The following DNAH12 variants were observed in gnomAD, a reference collection of about 807,000 sequenced individuals.
DNAH12 encodes axonemal beta dynein heavy chain 12.
In DNAH12, 285 loss-of-function variants were observed where a neutral mutation model predicts 371.5. The observed-to-expected ratio is 0.77, with a 90% CI of 0.70 to 0.85. DNAH12 has a LOEUF of 0.85. Ranked by LOEUF, DNAH12 falls within the 40% of genes least tolerant of loss-of-function variation. DNAH12 has a pLI of 0.00. For synonymous variants in DNAH12, 1,200 were observed against 1,213.0 expected (o/e 0.99, Z 0.22); for missense variants, 3,611 against 3,689.4 (o/e 0.98, Z 0.55).
At chr3:57,314,384 A>T in intron 66 of DNAH12, 110 bp downstream of exon 66, 1 of 1,300,874 alleles carries the variant, frequency 7.7e-7, no homozygotes, top group Non-Finnish European at 1.1e-6. Context: ...ATTACCATCT[A>T]CCCACCTGTT....
intron 66 of DNAH12, among the ~76,000 whole-genome samples, chr3:57,312,784 A>G (rs142194774): frequency 2.0e-4 from 31 of 152,356 alleles, no homozygotes; most frequent in African/African-American, 6.7e-4. Flanking sequence ...TGCAGTTACA[A>G]TTCCATAGGC....
intron 11 of DNAH12, among the ~76,000 whole-genome samples, chr3:57,491,773 C>CA (rs57203853): frequency 0.19 from 28,019 of 150,392 alleles, 3,058 homozygotes; most frequent in African/African-American, 0.31. Flanking sequence ...CCCATCTCTA[C>CA]AAAAAAAAAT....
intron 25 of DNAH12, among the ~76,000 whole-genome samples, chr3:57,452,191 A>G (rs2065778465): frequency 6.6e-6 from 1 of 152,330 alleles, no homozygotes; most frequent in Admixed American, 6.5e-5. Flanking sequence ...TTTTGGTGCC[A>G]TGTGACTTGG....
chr3:57,454,699 A>C, intron 23 of DNAH12, 76 bp downstream of exon 23: 1 of 1,515,418 alleles, frequency 6.6e-7, no homozygotes, highest in Non-Finnish European at 8.9e-7. Context: ...GCAAGATCTC[A>C]TTTCTAAAAA....
At chr3:57,396,192 C>T (rs1459964130) in intron 43 of DNAH12, among the ~76,000 whole-genome samples, 6,104 of 145,046 alleles carry the variant, frequency 0.042, 175 homozygotes, top group Middle Eastern at 0.096. Flanking sequence ...GCAGGAGAAT[C>T]GCTTGAACCT....
intron 11 of DNAH12, among the ~76,000 whole-genome samples, chr3:57,493,189 A>G (rs1387240355): frequency 6.6e-6 from 1 of 152,220 alleles, no homozygotes; most frequent in African/African-American, 2.4e-5. Flanking sequence ...GGTAAAATAC[A>G]AATTAAAGAG....
chr3:57,438,918 C>CGAAAAAAAAAAAAAAA (rs562343761), intron 29 of DNAH12, among the ~76,000 whole-genome samples: 11,808 of 93,106 alleles, frequency 0.13, 2,474 homozygotes, highest in East Asian at 0.22. Flanking sequence ...CTGTCTCAGA[C>CGAAAAAAAAAAAAAAA]AAAAAAAAAA....
At chr3:57,448,527 G>A (rs1159112387) in intron 25 of DNAH12, among the ~76,000 whole-genome samples, 5 of 122,794 alleles carry the variant, frequency 4.1e-5, no homozygotes, top group East Asian at 2.3e-4. Context: ...GAGTGTGACA[G>A]CTCAGTGGAC....
At chr3:57,427,221 C>T (rs142024716) in intron 34 of DNAH12, among the ~76,000 whole-genome samples, 55 of 147,966 alleles carry the variant, frequency 3.7e-4, no homozygotes, top group African/African-American at 1.3e-3. Flanking sequence ...AAGATATTTC[C>T]ATGTTCTAAC....
In DNAH12 at chr3:57,542,671, GCAAGAATTAT is replaced by G. The variant is rs1393647039; in HGVS notation, c.170+20_170+29del. 1 of 1,531,952 alleles carries G rather than the reference GCAAGAATTAT, an allele frequency of 6.5e-7. No individual in the cohort carries two copies. The highest frequency in any genetic ancestry group is 8.8e-7 in the Non-Finnish European group (1 of 1,142,692). The allele number at this position is 1,531,952 out of a possible 1,614,324, so 94.9% of individuals were successfully genotyped here. On this transcript the variant is annotated intron_variant, in intron 2 of 73. Transcript: ENST00000495027. Reference sequence around the variant, plus strand: ...ACTAATCATTTTACTTGAATTCCAAGCAAGAATTATCTACTAATATGCTACTTACACTAAC... The same window carrying G: ...ACTAATCATTTTACTTGAATTCCAAGCTACTAATATGCTACTTACACTAAC...
At chr3:57,357,651 C>T (rs1575498315) in intron 58 of DNAH12, among the ~76,000 whole-genome samples, 1 of 152,158 alleles carries the variant, frequency 6.6e-6, no homozygotes, top group Non-Finnish European at 1.5e-5. Flanking sequence ...CCAACCATCT[C>T]TTTCTTGAGA....
intron 8 of DNAH12, among the ~76,000 whole-genome samples, chr3:57,507,037 A>G (rs1469898044): frequency 6.6e-6 from 1 of 151,744 alleles, no homozygotes; most frequent in Non-Finnish European, 1.5e-5. Context: ...TTAAATATGT[A>G]TATTATCCTT....
intron 12 of DNAH12, among the ~76,000 whole-genome samples, chr3:57,488,321 T>C (rs2067003463): frequency 1.3e-5 from 2 of 152,062 alleles, no homozygotes; most frequent in Admixed American, 1.3e-4. Flanking sequence ...ACCTCCTGAG[T>C]AGCTGGGGTT....
At chr3:57,518,685 T>G (rs1007726120) in intron 4 of DNAH12, among the ~76,000 whole-genome samples, 2 of 150,078 alleles carry the variant, frequency 1.3e-5, no homozygotes, top group African/African-American at 2.4e-5. Flanking sequence ...GGGAGGGAGG[T>G]AGTTGGGGAA....
intron 60 of DNAH12, among the ~76,000 whole-genome samples, chr3:57,349,335 T>G (rs113783724): frequency 0.11 from 16,532 of 152,126 alleles, 1,455 homozygotes; most frequent in East Asian, 0.39. Context: ...TTGGCGTGGA[T>G]GCGGTGAAAA....
intron 43 of DNAH12, among the ~76,000 whole-genome samples, chr3:57,398,283 G>A (rs1283225638): frequency 6.6e-6 from 1 of 152,084 alleles, no homozygotes; most frequent in Non-Finnish European, 1.5e-5. Flanking sequence ...GCAAGCCTAA[G>A]GGATTTATGG....
chr3:57,341,841 A>T (rs2062408687), intron 60 of DNAH12, among the ~76,000 whole-genome samples: 1 of 149,358 alleles, frequency 6.7e-6, no homozygotes. Context: ...ATCTAGATGC[A>T]TCACAGTACC....
intron 70 of DNAH12, 74 bp downstream of exon 70, chr3:57,301,661 A>G: frequency 6.7e-7 from 1 of 1,490,052 alleles, no homozygotes; most frequent in South Asian, 1.3e-5. Context: ...TATTTTACAT[A>G]TTTATACATG....
chr3:57,406,189 A>G (rs371714581), intron 40 of DNAH12, among the ~76,000 whole-genome samples: 6 of 152,094 alleles, frequency 3.9e-5, no homozygotes, highest in Admixed American at 3.9e-4. Flanking sequence ...TGTCTCTACT[A>G]AAAATACAAA....
Sources: gnomAD v4.1 joint callset for allele counts (sites outside exome capture counted in the v4.1 genomes callset) on GRCh38, gnomAD v4.1.1 for gene constraint, MANE v1.5 for transcripts, NCBI Gene and HGNC (gene_info 2026-07-23, HGNC 2026-07-21) for gene names.